The following DISC1 variants were observed in gnomAD, a reference collection of about 807,000 sequenced individuals.
DISC1 encodes disrupted in schizophrenia 1 protein.
In DISC1, 57 loss-of-function variants were observed where a neutral mutation model predicts 84.5. That is an observed-to-expected ratio of 0.67 (90% CI 0.55 to 0.84). The LOEUF is 0.84. DISC1 is among the 40% of genes least tolerant of loss of function. DISC1 has a pLI of 0.00. For missense variants in DISC1, 1,000 were observed against 1,057.8 expected, an observed-to-expected ratio of 0.95 and a Z score of 0.76; for synonymous variants, 411 against 415.2, an observed-to-expected ratio of 0.99 and a Z score of 0.12.
chr1:231,773,546 A>G (rs926929457), intron 6 of DISC1, among the ~76,000 whole-genome samples: 8 of 151,726 alleles, frequency 5.3e-5, no homozygotes, highest in East Asian at 2.0e-4. Flanking sequence ...CAGCACACCC[A>G]GCTAATTTTT....
intron 10 of DISC1, among the ~76,000 whole-genome samples, chr1:231,979,052 A>G (rs1006419569): frequency 1.3e-5 from 2 of 152,092 alleles, no homozygotes; most frequent in Non-Finnish European, 2.9e-5. Context: ...TGGTGGCATT[A>G]TATTCTCCTA....
chr1:231,875,617 A>G (rs2085829108), intron 9 of DISC1, among the ~76,000 whole-genome samples: 1 of 152,160 alleles, frequency 6.6e-6, no homozygotes, highest in African/African-American at 2.4e-5. Context: ...CCTCTAACAC[A>G]TCTAGGTCTG....
chr1:231,665,368 A>C (rs1036545874), intron 1 of DISC1, among the ~76,000 whole-genome samples: 4 of 152,224 alleles, frequency 2.6e-5, no homozygotes, highest in African/African-American at 9.6e-5. Flanking sequence ...ACTCATACGA[A>C]GTGCCACTAC....
intron 1 of DISC1, among the ~76,000 whole-genome samples, chr1:231,690,278 A>G (rs1025498383): frequency 2.6e-5 from 4 of 152,128 alleles, no homozygotes; most frequent in African/African-American, 9.7e-5. Context: ...TCTAGAATTG[A>G]TCTGTTGCGG....
At chr1:231,872,666 C>T (rs2085551779) in intron 9 of DISC1, among the ~76,000 whole-genome samples, 1 of 150,858 alleles carries the variant, frequency 6.6e-6, no homozygotes, top group African/African-American at 2.4e-5. Flanking sequence ...TCCATCTGTT[C>T]TTAAAAAAAA....
At chr1:231,966,096 C>T (rs529401254) in intron 10 of DISC1, among the ~76,000 whole-genome samples, 4 of 152,166 alleles carry the variant, frequency 2.6e-5, no homozygotes, top group South Asian at 2.1e-4. Context: ...ATGGATAAAT[C>T]GCAATTTTAT....
chr1:232,016,800 T>C (rs1010257973), intron 11 of DISC1, among the ~76,000 whole-genome samples: 11 of 152,236 alleles, frequency 7.2e-5, no homozygotes, highest in Non-Finnish European at 1.0e-4. Flanking sequence ...GATCTAAATA[T>C]TTCAGATGCT....
At chr1:231,838,557 C>T (rs79474201) in intron 9 of DISC1, among the ~76,000 whole-genome samples, 1 of 152,310 alleles carries the variant, frequency 6.6e-6, no homozygotes, top group East Asian at 1.9e-4. Context: ...CTCCTTTCTT[C>T]TCTCTTCCAC....
chr1:231,663,580 C>T (rs199540537), intron 1 of DISC1, among the ~76,000 whole-genome samples: 18 of 152,198 alleles, frequency 1.2e-4, no homozygotes, highest in Non-Finnish European at 2.5e-4. Context: ...ACTTTCCACC[C>T]TCCTGCCTGA....
Position 232,026,570 on chromosome 1 carries a change from C to G in DISC1, c.2425+18C>G, listed in dbSNP as rs1407449431. On this transcript the variant is annotated intron_variant, in intron 12 of 12. Transcript: ENST00000439617. The stretch of plus-strand genomic sequence containing the variant: ...TCTCATTCATATCCTTTTCATCTTG[C>G]AGATGAAGCAAGGCAAAGTTATTTT... 22 of 1,543,218 alleles carry G rather than the reference C, an allele frequency of 1.4e-5. No individual in the cohort carries two copies. Among genetic ancestry groups the G allele is most frequent in the Non-Finnish European group, 1.8e-5 (20 of 1,127,436 alleles).
At chr1:231,802,061 G>A (rs2079313321) in intron 8 of DISC1, among the ~76,000 whole-genome samples, 1 of 152,006 alleles carries the variant, frequency 6.6e-6, no homozygotes, top group Non-Finnish European at 1.5e-5. Flanking sequence ...CTTGTGATCT[G>A]CCCTGAATGG....
intron 12 of DISC1, among the ~76,000 whole-genome samples, chr1:232,028,964 A>G (rs1295810506): frequency 3.9e-5 from 6 of 152,282 alleles, no homozygotes; most frequent in Non-Finnish European, 8.8e-5. Flanking sequence ...GGCTGACACA[A>G]GGTCATTTCT....
chr1:231,647,487 T>C (rs1181192423), intron 1 of DISC1, among the ~76,000 whole-genome samples: 2 of 152,220 alleles, frequency 1.3e-5, no homozygotes, highest in Non-Finnish European at 2.9e-5. Context: ...TAGTTTGAAG[T>C]AGTGTGTTGC....
intron 3 of DISC1, among the ~76,000 whole-genome samples, chr1:231,737,638 A>C (rs1250355442): frequency 6.6e-6 from 1 of 152,224 alleles, no homozygotes; most frequent in Non-Finnish European, 1.5e-5. Context: ...TTAGAACAGA[A>C]AGGTCACAAA....
intron 3 of DISC1, among the ~76,000 whole-genome samples, chr1:231,740,221 CAT>C (rs1446642553): frequency 6.6e-6 from 1 of 152,148 alleles, no homozygotes; most frequent in Admixed American, 6.5e-5. Context: ...CACCAACCGA[CAT>C]AGACAAGGAG....
chr1:231,702,223 G>A, intron 3 of DISC1, 199 bp downstream of exon 3: 3 of 1,312,174 alleles, frequency 2.3e-6, no homozygotes, highest in South Asian at 1.9e-5. Context: ...AATCCTTTGG[G>A]TTATAAATAT....
intron 8 of DISC1, among the ~76,000 whole-genome samples, chr1:231,806,846 G>T (rs1322488994): frequency 6.6e-6 from 1 of 152,246 alleles, no homozygotes; most frequent in Non-Finnish European, 1.5e-5. Context: ...CGAAGGGAAA[G>T]CGTCAGTGCC....
At chr1:231,886,766 C>CCTTTCTTTCTTTCTTTCTTT (rs3084378) in intron 9 of DISC1, among the ~76,000 whole-genome samples, 3 of 84,380 alleles carry the variant, frequency 3.6e-5, no homozygotes, top group Non-Finnish European at 7.3e-5. Context: ...TTCCTTCCTT[C>CCTTTCTTTCTTTCTTTCTTT]CTTTCTTTCT....
chr1:231,653,226 A>C (rs1246210936), intron 1 of DISC1, among the ~76,000 whole-genome samples: 1 of 152,218 alleles, frequency 6.6e-6, no homozygotes, highest in East Asian at 1.9e-4. Flanking sequence ...ATATATTCTG[A>C]AATCTCAGTG....
Sources: allele counts gnomAD v4.1 joint callset (sites outside exome capture counted in the v4.1 genomes callset), GRCh38; gene constraint gnomAD v4.1.1; transcripts MANE v1.5; gene names NCBI Gene and HGNC (gene_info 2026-07-23, HGNC 2026-07-21).